RAB38: variants seen among roughly 807,000 people sequenced by gnomAD.
RAB38 encodes RAB38, member RAS oncogene family.
A neutral mutation model predicts 18.4 loss-of-function variants in RAB38; 15 were observed. That is an observed-to-expected ratio of 0.82 (90% CI 0.55 to 1.26). The LOEUF is 1.26. Ranked by LOEUF, RAB38 falls within the 50% of genes most tolerant of loss-of-function variation. The pLI, the probability that RAB38 is intolerant of heterozygous loss-of-function variation, is 0.00. For missense variants in RAB38, 294 were observed against 267.4 expected (o/e 1.10, Z -0.69); for synonymous variants, 101 against 104.4 (o/e 0.97, Z 0.20).
At chr11:87,812,277 C>T in the RAB38 span, among the ~76,000 whole-genome samples, 6 of 151,886 alleles carry the variant, frequency 4.0e-5, no homozygotes, top group African/African-American at 1.5e-4. Context: ...CCTTGTCATT[C>T]TTGGGGATGC....
the RAB38 span, among the ~76,000 whole-genome samples, chr11:88,061,245 G>A: frequency 5.3e-5 from 8 of 152,342 alleles, no homozygotes; most frequent in East Asian, 1.9e-4. Flanking sequence ...AGGCCAGGAT[G>A]AGCATCATTT....
chr11:87,951,865 A>G, the RAB38 span, among the ~76,000 whole-genome samples: 1 of 152,172 alleles, frequency 6.6e-6, no homozygotes, highest in Admixed American at 6.5e-5. Context: ...TTGAGGAGGC[A>G]GTCTGCCCGT....
At chr11:87,868,685 T>C in the RAB38 span, among the ~76,000 whole-genome samples, 1 of 150,048 alleles carries the variant, frequency 6.7e-6, no homozygotes, top group East Asian at 2.0e-4. Context: ...CTAGGCCATA[T>C]ACTCCTAGCA....
At chr11:87,963,891 G>A in the RAB38 span, among the ~76,000 whole-genome samples, 2 of 152,038 alleles carry the variant, frequency 1.3e-5, no homozygotes, top group East Asian at 1.9e-4. Flanking sequence ...TGTGATCCAC[G>A]CACATCGGCC....
chr11:87,886,257 C>T, the RAB38 span, among the ~76,000 whole-genome samples: 2 of 151,882 alleles, frequency 1.3e-5, no homozygotes, highest in African/African-American at 2.4e-5. Context: ...TCCCCATGAC[C>T]TGGTGTTGGG....
At chr11:88,125,720 T>C (rs753561507) in intron 2 of RAB38, among the ~76,000 whole-genome samples, 2 of 152,230 alleles carry the variant, frequency 1.3e-5, no homozygotes, top group Non-Finnish European at 2.9e-5. Context: ...TTTAGTTTAA[T>C]TAGATCCTAT....
the RAB38 span, among the ~76,000 whole-genome samples, chr11:88,044,091 G>A: frequency 1.3e-5 from 2 of 152,232 alleles, no homozygotes; most frequent in African/African-American, 2.4e-5. Context: ...AGACAAAGGA[G>A]AGGCATTTTA....
chr11:87,849,159 A>G, the RAB38 span, among the ~76,000 whole-genome samples: 2 of 152,158 alleles, frequency 1.3e-5, no homozygotes, highest in Non-Finnish European at 2.9e-5. Context: ...AAGTTGGTAC[A>G]TTGGTACAAA....
the RAB38 span, among the ~76,000 whole-genome samples, chr11:87,826,597 T>C: frequency 6.6e-6 from 1 of 152,176 alleles, no homozygotes; most frequent in African/African-American, 2.4e-5. Flanking sequence ...GATTGAGCTC[T>C]TTCTGAGTCA....
chr11:87,970,375 T>A, the RAB38 span, among the ~76,000 whole-genome samples: 2 of 152,082 alleles, frequency 1.3e-5, no homozygotes, highest in Non-Finnish European at 2.9e-5. Flanking sequence ...TATTTCATAT[T>A]ATGATATTTT....
At position 88,114,072 on chromosome 11, in the gene RAB38, TA is replaced by T; in HGVS notation, c.551del (p.Leu184GlnfsTer10). On this transcript the variant is annotated frameshift_variant, in exon 3 of 3. Coordinates refer to ENST00000243662, the MANE Select transcript of RAB38 (RefSeq NM_022337.3). LOFTEE classifies it high-confidence loss of function. ...VKHILANECDLMESIEPDVVK... is the reference protein window; with the variant it reads ...VKHILANECDXMESIEPDVVK... ...CGACGTCCGGCTCAATAGACTCCATTAGGTCACACTCATTTGCAAGTATGTG... is the reference window on the plus strand; with the variant it reads ...CGACGTCCGGCTCAATAGACTCCATTGGTCACACTCATTTGCAAGTATGTG... 1 of 1,614,186 alleles carries T rather than the reference TA, an allele frequency of 6.2e-7. No homozygotes were observed. The highest frequency in any genetic ancestry group is 8.5e-7 in the Non-Finnish European group (1 of 1,180,020).
the RAB38 span, among the ~76,000 whole-genome samples, chr11:88,077,817 C>T: frequency 1.3e-5 from 2 of 152,130 alleles, no homozygotes; most frequent in Admixed American, 6.5e-5. Context: ...TTTTGCATAG[C>T]TTTGTATCCA....
chr11:87,952,868 TATCA>T, the RAB38 span, among the ~76,000 whole-genome samples: 43 of 151,408 alleles, frequency 2.8e-4, no homozygotes, highest in South Asian at 2.5e-3. Flanking sequence ...AAAGGAAAAC[TATCA>T]ATCAATCATA....
At chr11:87,897,646 A>G in the RAB38 span, among the ~76,000 whole-genome samples, 1 of 151,628 alleles carries the variant, frequency 6.6e-6, no homozygotes, top group Non-Finnish European at 1.5e-5. Context: ...TGGATTTAAA[A>G]AACACCAGCC....
chr11:87,893,390 A>ATATATATATATATATATATATATTT, the RAB38 span, among the ~76,000 whole-genome samples: 8 of 93,888 alleles, frequency 8.5e-5, no homozygotes, highest in East Asian at 6.6e-4. Flanking sequence ...ATATATATAT[A>ATATATATATATATATATATATATTT]TTTTTTTTTT....
the RAB38 span, among the ~76,000 whole-genome samples, chr11:87,806,840 T>G: frequency 6.6e-6 from 1 of 152,202 alleles, no homozygotes; most frequent in Admixed American, 6.5e-5. Context: ...AATGAAATGT[T>G]TTTAGTCCTG....
chr11:88,125,571 G>C (rs1408043013), intron 2 of RAB38, among the ~76,000 whole-genome samples: 2 of 151,828 alleles, frequency 1.3e-5, no homozygotes, highest in Non-Finnish European at 2.9e-5. Context: ...GAAAGACTCA[G>C]AACTTGTGAA....
intron 1 of RAB38, among the ~76,000 whole-genome samples, chr11:88,173,279 T>C (rs772342413): frequency 2.0e-5 from 3 of 152,224 alleles, no homozygotes; most frequent in Non-Finnish European, 2.9e-5. Flanking sequence ...TAATAATCCT[T>C]GCAGATCTCC....
the RAB38 span, among the ~76,000 whole-genome samples, chr11:87,904,579 A>G: frequency 1.3e-5 from 2 of 151,684 alleles, no homozygotes; most frequent in Non-Finnish European, 3.0e-5. Flanking sequence ...CTTTGGTAAA[A>G]TGATTTTTTT....
Sources: gnomAD v4.1 joint callset for allele counts (sites outside exome capture counted in the v4.1 genomes callset) on GRCh38, gnomAD v4.1.1 for gene constraint, MANE v1.5 for transcripts, NCBI Gene and HGNC (gene_info 2026-07-23, HGNC 2026-07-21) for gene names.